KIF7: variants seen among roughly 807,000 people sequenced by gnomAD.
The protein encoded by KIF7 is kinesin family member 7.
KIF7 carries 104 observed loss-of-function variants against 135.7 expected under a neutral mutation model. The observed-to-expected ratio is 0.77, with a 90% CI of 0.65 to 0.90. KIF7 has a LOEUF of 0.90. Ranked by LOEUF, KIF7 falls within the 40% of genes least tolerant of loss-of-function variation. The pLI is 0.00. For synonymous variants in KIF7, 883 were observed against 809.4 expected, an observed-to-expected ratio of 1.09 and a Z score of -1.54; for missense variants, 2,005 against 1,839.1, an observed-to-expected ratio of 1.09 and a Z score of -1.65.
the KIF7 span, among the ~76,000 whole-genome samples, chr15:89,661,269 C>T: frequency 6.6e-6 from 1 of 152,032 alleles, no homozygotes; most frequent in Admixed American, 6.5e-5. Context: ...AAATGAAGCT[C>T]AGAAACATAA....
Position 89,642,290 on chromosome 15 carries a change from G to A in KIF7, c.2307C>T (p.Leu769=), listed in dbSNP as rs1453711888. 3.1e-6 allele frequency: 5 copies of A among 1,610,066 alleles called. No homozygotes were observed. The highest frequency in any genetic ancestry group is 2.5e-6 in the Non-Finnish European group (3 of 1,179,548). The part of the protein sequence containing the change: ...LSEGQRQLRE[L]EGKELQDAGE... ...CAGCATCCTGGAGCTCCTTGCCCTC[G>A]AGCTCCCGCAGCTGCCTCTGGCCTT... is the stretch of plus-strand genomic sequence containing the variant. Residue 769 remains leucine (L), a synonymous_variant, in exon 11 of 19, where the codon CTC becomes CTT. Transcript: ENST00000394412.
intron 1 of KIF7, chr15:89,621,581 A>G (rs749889809): frequency 3.2e-6 from 5 of 1,575,592 alleles, no homozygotes; most frequent in East Asian, 2.2e-5. Flanking sequence ...TTGAAATAAT[A>G]TAATCTCCTG....
chr15:89,628,449 CCCCGGGCTGGCTCGTCGCAG>C lies in KIF7; in HGVS notation c.3982_4001del (p.Leu1328AspfsTer3), dbSNP rs1232479988. 6.2e-7 allele frequency: 1 copy of C among 1,609,514 alleles called. No homozygotes were observed. Among genetic ancestry groups the C allele is most frequent in the East Asian group, 2.2e-5 (1 of 44,820 alleles). ...GGGGGTTTTTCCGGACATCAATCAT[CCCCGGGCTGGCTCGTCGCAG>C]TTCCCGCCGGGGCTTGGACAAAGGC... On this transcript the variant is annotated frameshift_variant, in exon 19 of 19. Coordinates refer to ENST00000394412, the MANE Select transcript of KIF7 (RefSeq NM_198525.3). LOFTEE classifies it high-confidence loss of function.
chr15:89,653,139 A>G lies in KIF7; in HGVS notation c.-24-185T>C, dbSNP rs145501822. Among the ~76,000 whole-genome samples, 383 of 152,324 alleles carry G rather than the reference A, an allele frequency of 2.5e-3. 1 individual carries two copies. Among genetic ancestry groups the G allele is most frequent in the African/African-American group, 8.7e-3 (363 of 41,586 alleles). On this transcript the variant is annotated intron_variant, in intron 1 of 18. Transcript: ENST00000394412. ...AAAAATTGCAAGGGCCATGATATAT[A>G]TAGTCCCCCACAGGAACATGTCATG...
At chr15:89,642,441 T>C (rs770482733) in intron 10 of KIF7, 36 bp from the exon 11 acceptor site, 1 of 1,513,842 alleles carries the variant, frequency 6.6e-7, no homozygotes, top group East Asian at 2.5e-5. Flanking sequence ...CAGGCAGCCC[T>C]GCTCCACCGA....
rs1567056185 is a variant in KIF7, at chr15:89,628,330, A to AAGGACTGCCCTTCAC, written c.*74_*88dup. On this transcript the variant is annotated 3_prime_UTR_variant, in exon 19 of 19. Transcript: ENST00000394412. ...AGGGCCTGGATTTAGGGTGTGCGGT[A>AAGGACTGCCCTTCAC]AGGACTGCCCTTCACAGAAGCAAAA... The AAGGACTGCCCTTCAC allele has an allele frequency of 1.2e-5, 18 of 1,492,046 alleles. No individual in the cohort carries two copies. In the South Asian group the frequency reaches 2.4e-4, roughly 20 times the overall value. The allele number at this position is 1,492,046 out of a possible 1,614,324, so 92.4% of individuals were successfully genotyped here.
chr15:89,648,738 C>T lies in KIF7; in HGVS notation c.960G>A (p.Thr320=), dbSNP rs886051538. 14 of 1,536,020 alleles carry T rather than the reference C, an allele frequency of 9.1e-6. No homozygotes were observed. Among genetic ancestry groups the T allele is most frequent in the Non-Finnish European group, 1.1e-5 (13 of 1,146,288 alleles). ...LKDSLGGNAK[T]VMIACVSPSS... The stretch of plus-strand genomic sequence containing the variant: ...AAGGGCTGACGCAGGCGATCATCAC[C>T]GTCTTGGCGTTCCCGCCCAGCGAGT... Residue 320 remains threonine (T), a synonymous_variant, in exon 5 of 19, where the codon ACG becomes ACA. Coordinates refer to ENST00000394412, the MANE Select transcript of KIF7 (RefSeq NM_198525.3).
At position 89,649,183 on chromosome 15, in the gene KIF7, G is replaced by A. The variant is rs562018717; in HGVS notation, c.714C>T (p.Pro238=). The change falls in exon 4 of 19, where the codon CCC becomes CCT. Residue 238 remains proline, a synonymous_variant. Transcript: ENST00000394412. Reference sequence around the variant, plus strand: ...TGGAGACGAGCAGCTGGCCCGGGGCGGGGCGGGGTAGGCGGCTGGGGGCGC... The same window carrying A: ...TGGAGACGAGCAGCTGGCCCGGGGCAGGGCGGGGTAGGCGGCTGGGGGCGC... ...RGRAPSRLPR[P]APGQLLVSKF... The A allele has an allele frequency of 2.0e-5, 31 of 1,547,092 alleles. No individual in the cohort carries two copies. The highest frequency in any genetic ancestry group is 2.6e-5 in the Non-Finnish European group (30 of 1,146,290).
In KIF7 at chr15:89,629,539, T is replaced by G; in HGVS notation, c.3353A>C (p.Gln1118Pro). 1 of 1,609,276 alleles carries G rather than the reference T, an allele frequency of 6.2e-7. No individual in the cohort carries two copies. Among genetic ancestry groups the G allele is most frequent in the East Asian group, 2.2e-5 (1 of 44,876 alleles). The change falls in exon 17 of 19, where the codon CAG becomes CCG. Residue 1118 changes from glutamine (Q) to proline (P), a missense_variant. By Grantham distance (76) the Gln-to-Pro change is moderately conservative. Transcript: ENST00000394412. ...CATCTCCAGTTCCGAGAAGGCAATCTGCTGCTGGTGCTGCTCCTCTCGGAG... is the reference window on the plus strand; with the variant it reads ...CATCTCCAGTTCCGAGAAGGCAATCGGCTGCTGGTGCTGCTCCTCTCGGAG... ...VTLREEQHQQQIAFSELEMQL... is the reference protein window; with the variant it reads ...VTLREEQHQQPIAFSELEMQL...
chr15:89,634,677 C>T (rs567069096), intron 11 of KIF7, among the ~76,000 whole-genome samples: 5 of 152,220 alleles, frequency 3.3e-5, no homozygotes, highest in African/African-American at 9.6e-5. Context: ...GAGGGTCCTA[C>T]GCCCACAGAG....
chr15:89,625,722 G>A (rs1963510260), downstream of KIF7: 3 of 1,613,372 alleles, frequency 1.9e-6, no homozygotes, highest in Non-Finnish European at 2.5e-6. Context: ...AGAGTAAAGA[G>A]GGGTCTCCAA....
chr15:89,625,114 C>T, downstream of KIF7: 1 of 1,613,942 alleles, frequency 6.2e-7, no homozygotes, highest in African/African-American at 1.3e-5. Context: ...AGAGAGCTTC[C>T]TCCCTGCTCT....
intron 11 of KIF7, 104 bp downstream of exon 11, chr15:89,642,099 C>T: frequency 6.5e-6 from 8 of 1,223,410 alleles, no homozygotes; most frequent in Non-Finnish European, 9.3e-6. Flanking sequence ...CACAAGGTTC[C>T]ACAGTGAACT....
At chr15:89,630,741 G>T (rs756909276) in intron 15 of KIF7, 12 of 575,958 alleles carry the variant, frequency 2.1e-5, no homozygotes, top group Non-Finnish European at 3.4e-5. Flanking sequence ...TCTACATTCA[G>T]GAAGTTCAGA....
In KIF7 at chr15:89,645,324, C is replaced by T. The variant is rs545348969; in HGVS notation, c.2038+12G>A. The T allele has an allele frequency of 8.1e-6, 13 of 1,611,652 alleles. No individual in the cohort carries two copies. In the South Asian group the frequency reaches 8.8e-5, roughly 11 times the overall value. On this transcript the variant is annotated intron_variant, in intron 9 of 18. Coordinates refer to ENST00000394412, the MANE Select transcript of KIF7 (RefSeq NM_198525.3). ...TGGGGAGGAGGCCCTCTCTGCATCCCACCCAGCTTACCTCTGGACCCTGGA... is the reference window on the plus strand; with the variant it reads ...TGGGGAGGAGGCCCTCTCTGCATCCTACCCAGCTTACCTCTGGACCCTGGA...
At chr15:89,623,762 C>A (rs760343470), downstream of KIF7, 9 of 1,613,948 alleles carry the variant, frequency 5.6e-6, no homozygotes, top group African/African-American at 1.3e-5. Flanking sequence ...ACAAAGCAGG[C>A]AGCTTTTAAG....
intron 13 of KIF7, 37 bp downstream of exon 13, chr15:89,633,104 C>A: frequency 6.2e-7 from 1 of 1,601,242 alleles, no homozygotes; most frequent in South Asian, 1.1e-5. Flanking sequence ...AGCCAGCCCC[C>A]AGGGGAGCCC....
At chr15:89,640,570 A>G (rs1319875189) in intron 11 of KIF7, among the ~76,000 whole-genome samples, 9 of 152,020 alleles carry the variant, frequency 5.9e-5, no homozygotes, top group Admixed American at 5.9e-4. Context: ...CAACCACTCC[A>G]CGATATTGTC....
rs1477563317 is a variant in KIF7 at position 89,629,477 on chromosome 15, C to G, written c.3415G>C (p.Glu1139Gln). 1.9e-6 allele frequency: 3 copies of G among 1,611,134 alleles called. No individual in the cohort carries two copies. Among genetic ancestry groups the G allele is most frequent in the Non-Finnish European group, 2.5e-6 (3 of 1,180,008 alleles). ...EEQQRLVYWL[E>Q]VALERQRLEM... ...AGGCGCTGCCGCTCCAGGGCCACCT[C>G]CAGCCAGTACACCAGCCTCTGCTGC... is the stretch of plus-strand genomic sequence containing the variant. The change falls in exon 17 of 19, where the codon GAG becomes CAG. Residue 1139 changes from glutamate to glutamine, a missense_variant. Glu to Gln is a conservative substitution (Grantham distance 29). Transcript: ENST00000394412.
Sources: allele counts gnomAD v4.1 joint callset (sites outside exome capture counted in the v4.1 genomes callset), GRCh38; gene constraint gnomAD v4.1.1; transcripts MANE v1.5; gene names NCBI Gene and HGNC (gene_info 2026-07-23, HGNC 2026-07-21).